Variants in GPD2 observed in about 807,000 individuals in gnomAD.
The protein encoded by GPD2 is glycerol-3-phosphate dehydrogenase 2.
A neutral mutation model predicts 82.4 loss-of-function variants in GPD2; 54 were observed. That is an observed-to-expected ratio of 0.66 (90% CI 0.53 to 0.82). The LOEUF is 0.82. GPD2 is among the 40% of genes least tolerant of loss of function. GPD2 has a pLI of 0.00. For synonymous variants in GPD2, 288 were observed against 306.1 expected, an observed-to-expected ratio of 0.94 and a Z score of 0.62; for missense variants, 748 against 896.2, an observed-to-expected ratio of 0.83 and a Z score of 2.11.
intron 1 of GPD2, among the ~76,000 whole-genome samples, chr2:156,470,311 T>C (rs1036375575): frequency 1.3e-5 from 2 of 151,996 alleles, no homozygotes; most frequent in Non-Finnish European, 2.9e-5. Flanking sequence ...TCCTCCCACT[T>C]TGGCCTCTTG....
chr2:156,513,263 T>G (rs1042649903), intron 5 of GPD2, 70 bp from the exon 6 acceptor site: 6 of 1,060,680 alleles, frequency 5.7e-6, no homozygotes, highest in Non-Finnish European at 8.9e-6. Flanking sequence ...AAGTGTCTTG[T>G]AGTGTAAGGT....
chr2:156,459,686 CAAA>C (rs564494059), intron 1 of GPD2, among the ~76,000 whole-genome samples: 1,515 of 38,710 alleles, frequency 0.039, 18 homozygotes, highest in Middle Eastern at 0.089. Flanking sequence ...GACTCCGTCT[CAAA>C]AAAAAAAAAA....
Position 156,527,163 on chromosome 2 carries a change from C to G in GPD2, c.661+13667C>G, listed in dbSNP as rs144005923. Among the ~76,000 whole-genome samples, 1,223 of 152,150 alleles carry G rather than the reference C, an allele frequency of 8.0e-3. 5 individuals carry two copies. Among genetic ancestry groups the G allele is most frequent in the Non-Finnish European group, 0.012 (801 of 67,966 alleles). On this transcript the variant is annotated intron_variant, in intron 6 of 16. Coordinates refer to ENST00000438166, the MANE Select transcript of GPD2 (RefSeq NM_000408.5). ...GGAAAGCCAGCCTGGTATTAAGCAT[C>G]TAACCTCACAAAGAATGGCAGTAAT... is the stretch of plus-strand genomic sequence containing the variant.
At chr2:156,582,247 G>A (rs191995477) in intron 16 of GPD2, among the ~76,000 whole-genome samples, 115 of 151,934 alleles carry the variant, frequency 7.6e-4, no homozygotes, top group African/African-American at 2.7e-3. Flanking sequence ...CTAAAATCTG[G>A]GCTGTAGAGT....
chr2:156,534,347 C>T (rs577108727), intron 6 of GPD2, among the ~76,000 whole-genome samples: 19 of 152,288 alleles, frequency 1.2e-4, no homozygotes, highest in African/African-American at 4.6e-4. Context: ...TATAATGGTA[C>T]ACGATGCAGG....
intron 9 of GPD2, among the ~76,000 whole-genome samples, chr2:156,562,575 GA>G (rs1244086770): frequency 9.1e-5 from 7 of 76,964 alleles, no homozygotes; most frequent in Admixed American, 2.8e-4. Context: ...TGGCAAACAT[GA>G]AAAAAAAACC....
intron 3 of GPD2, among the ~76,000 whole-genome samples, chr2:156,503,424 T>G (rs1418389192): frequency 1.3e-5 from 2 of 152,170 alleles, no homozygotes; most frequent in African/African-American, 4.8e-5. Context: ...TTTGAGTCAA[T>G]TATGTCCTTT....
At chr2:156,414,812 T>C in the GPD2 span, among the ~76,000 whole-genome samples, 2 of 152,312 alleles carry the variant, frequency 1.3e-5, no homozygotes, top group South Asian at 2.1e-4. Flanking sequence ...GGAGATGTCA[T>C]CAATTATTCC....
At chr2:156,503,716 G>A (rs1684676976) in intron 3 of GPD2, among the ~76,000 whole-genome samples, 1 of 152,148 alleles carries the variant, frequency 6.6e-6, no homozygotes, top group Non-Finnish European at 1.5e-5. Flanking sequence ...GTATCAGATA[G>A]TGTTCTTTAG....
At chr2:156,505,981 A>C (rs938401291) in intron 3 of GPD2, among the ~76,000 whole-genome samples, 1 of 152,218 alleles carries the variant, frequency 6.6e-6, no homozygotes, top group African/African-American at 2.4e-5. Context: ...GAACCTCAAA[A>C]GGCTTTTAAA....
intron 8 of GPD2, among the ~76,000 whole-genome samples, chr2:156,557,183 C>G (rs1020841315): frequency 6.6e-6 from 1 of 152,116 alleles, no homozygotes; most frequent in Non-Finnish European, 1.5e-5. Context: ...ATATTGTTAT[C>G]ATCACATTTG....
At chr2:156,457,299 A>T (rs1243878439) in intron 1 of GPD2, among the ~76,000 whole-genome samples, 1 of 152,130 alleles carries the variant, frequency 6.6e-6, no homozygotes, top group African/African-American at 2.4e-5. Context: ...CAGGCCACAA[A>T]CCTTTGCTCA....
chr2:156,571,324 C>G, intron 13 of GPD2, 32 bp downstream of exon 13: 1 of 1,420,272 alleles, frequency 7.0e-7, no homozygotes, highest in Non-Finnish European at 9.7e-7. Flanking sequence ...AACCACAATT[C>G]CTATTGTAAA....
At chr2:156,404,341 T>C in the GPD2 span, among the ~76,000 whole-genome samples, 1 of 152,158 alleles carries the variant, frequency 6.6e-6, no homozygotes, top group Non-Finnish European at 1.5e-5. Flanking sequence ...TGAGCTATAC[T>C]GTGCCACTGC....
chr2:156,402,092 G>A, the GPD2 span, among the ~76,000 whole-genome samples: 1 of 152,188 alleles, frequency 6.6e-6, no homozygotes, highest in Non-Finnish European at 1.5e-5. Context: ...CTTCAACCCC[G>A]TGAGTTAGGA....
intron 3 of GPD2, among the ~76,000 whole-genome samples, chr2:156,507,466 G>A (rs1022768814): frequency 1.3e-5 from 2 of 151,884 alleles, no homozygotes; most frequent in Non-Finnish European, 2.9e-5. Flanking sequence ...GAGAAAACAG[G>A]CACATGCCAC....
intron 9 of GPD2, among the ~76,000 whole-genome samples, chr2:156,566,691 C>T (rs189875505): frequency 4.6e-5 from 7 of 152,076 alleles, no homozygotes; most frequent in Non-Finnish European, 8.8e-5. Flanking sequence ...AAACTTTTCT[C>T]TGCTCCATTT....
At chr2:156,573,971 A>G (rs1687728878) in intron 13 of GPD2, among the ~76,000 whole-genome samples, 1 of 152,204 alleles carries the variant, frequency 6.6e-6, no homozygotes, top group Non-Finnish European at 1.5e-5. Flanking sequence ...TATACTGAAC[A>G]TTGCACCAAA....
At chr2:156,489,869 C>A (rs1684107788) in intron 2 of GPD2, among the ~76,000 whole-genome samples, 1 of 135,742 alleles carries the variant, frequency 7.4e-6, no homozygotes, top group African/African-American at 2.8e-5. Flanking sequence ...TCCCTTCCTT[C>A]CTTCCTTCCC....
Sources: gnomAD v4.1 joint callset for allele counts (sites outside exome capture counted in the v4.1 genomes callset) on GRCh38, gnomAD v4.1.1 for gene constraint, MANE v1.5 for transcripts, NCBI Gene and HGNC (gene_info 2026-07-23, HGNC 2026-07-21) for gene names.